Variants in RPS6KA5 observed in about 807,000 individuals in gnomAD.
RPS6KA5 encodes the protein ribosomal protein S6 kinase alpha-5.
A neutral mutation model predicts 85.5 loss-of-function variants in RPS6KA5; 27 were observed. That is an observed-to-expected ratio of 0.32 (90% CI 0.23 to 0.44). The LOEUF (loss-of-function observed/expected upper bound fraction) is 0.44. Among genes scored for constraint, RPS6KA5 ranks in the 20% least tolerant of loss-of-function variants. RPS6KA5 has a pLI of 1.00. For synonymous variants in RPS6KA5, 334 were observed against 348.2 expected (o/e 0.96, Z 0.46); for missense variants, 811 against 980.9 (o/e 0.83, Z 2.31).
intron 3 of RPS6KA5, among the ~76,000 whole-genome samples, chr14:90,965,862 A>C (rs2039036238): frequency 1.3e-5 from 2 of 152,188 alleles, no homozygotes; most frequent in Admixed American, 6.5e-5. Context: ...GTAGGAGAAT[A>C]GGAAAGGCTC....
At chr14:90,916,427 T>C (rs977207444) in intron 7 of RPS6KA5, among the ~76,000 whole-genome samples, 6 of 152,122 alleles carry the variant, frequency 3.9e-5, no homozygotes, top group Non-Finnish European at 5.9e-5. Context: ...AAATAATACA[T>C]TACTTTGAAC....
At position 90,872,031 on chromosome 14, in the gene RPS6KA5, G is replaced by A. The variant is rs756451627; in HGVS notation, c.*43C>T. On this transcript the variant is annotated 3_prime_UTR_variant, in exon 17 of 17. Coordinates refer to ENST00000614987, the MANE Select transcript of RPS6KA5 (RefSeq NM_004755.4). The stretch of plus-strand genomic sequence containing the variant: ...AAAGATCGCCTCAGGCATATGCTGA[G>A]GGAATAAAGGTGCAATGGATCACTG... The A allele has an allele frequency of 2.3e-5, 36 of 1,574,900 alleles. No homozygotes were observed. The highest frequency in any genetic ancestry group is 3.8e-5 in the Admixed American group (2 of 51,974).
rs994371124 is a variant in RPS6KA5, at chr14:90,865,762, T to C, written c.*6312A>G. 6.6e-6 allele frequency: 1 copy of C among 152,166 alleles called. No individual in the cohort carries two copies. Among genetic ancestry groups the C allele is most frequent in the Non-Finnish European group, 1.5e-5 (1 of 68,044 alleles). The allele number at this position is 152,166 out of a possible 1,614,324, so 9.4% of individuals were successfully genotyped here. A position where few individuals can be genotyped will look rare whatever the true frequency, so the allele number is the denominator to read the frequency against. ...GGAGAGAGCTATCACATGGGCTTCC[T>C]AGAGAAAAATAAGCACTTTATGAAG... is the stretch of plus-strand genomic sequence containing the variant. On this transcript the variant is annotated 3_prime_UTR_variant, in exon 17 of 17. Coordinates refer to ENST00000614987, the MANE Select transcript of RPS6KA5 (RefSeq NM_004755.4).
intron 3 of RPS6KA5, among the ~76,000 whole-genome samples, chr14:90,965,852 G>A (rs990022472): frequency 4.6e-5 from 7 of 152,182 alleles, no homozygotes; most frequent in African/African-American, 1.4e-4. Context: ...CCCAAAGGAA[G>A]TAGGAGAATA....
chr14:90,996,008 C>A (rs915912771), intron 2 of RPS6KA5, among the ~76,000 whole-genome samples: 1 of 152,034 alleles, frequency 6.6e-6, no homozygotes, highest in Admixed American at 6.5e-5. Flanking sequence ...ACTGCTTGAG[C>A]CCAGAAGTTC....
chr14:90,857,051 T>TCTAGG lies in RPS6KA5; in HGVS notation c.*15022_*15023insCCTAG, dbSNP rs2032320560. The TCTAGG allele has an allele frequency of 6.6e-6, 1 of 152,278 alleles. No individual in the cohort carries two copies. Among genetic ancestry groups the TCTAGG allele is most frequent in the Non-Finnish European group, 1.5e-5 (1 of 68,098 alleles). The allele number at this position is 152,278 out of a possible 1,614,324, so 9.4% of individuals were successfully genotyped here. On this transcript the variant is annotated 3_prime_UTR_variant, in exon 17 of 17. Transcript: ENST00000614987. ...TCTGTCCTCCCAGTGCAGCCTAGTT[T>TCTAGG]CTATGGAGCTACCATATATGACAGT...
chr14:90,916,863 T>C lies in RPS6KA5; in HGVS notation c.806+3343A>G, dbSNP rs189349980. The stretch of plus-strand genomic sequence containing the variant: ...TCTCTTTCTAAAACCAGAATGCCAA[T>C]TGATTGATATAAAGGGAATAAAAGC... On this transcript the variant is annotated intron_variant, in intron 7 of 16. Transcript: ENST00000614987. Among the ~76,000 whole-genome samples the C allele has an allele frequency of 5.1e-4, 77 of 152,346 alleles. 1 individual carries two copies. The highest frequency in any genetic ancestry group is 5.9e-4 in the Admixed American group (9 of 15,300).
chr14:90,895,438 G>A lies in RPS6KA5; in HGVS notation c.1474-855C>T, dbSNP rs149252731. 3.3e-5 allele frequency among the ~76,000 whole-genome samples: 5 copies of A among 152,260 alleles called. No homozygotes were observed. The East Asian group carries it at 9.6e-4, about 29-fold the overall frequency. ...TCAACAGATTAGTTTCAGGGTTCCT[G>A]TTAATATTCATTACAAATACCCATA... is the stretch of plus-strand genomic sequence containing the variant. On this transcript the variant is annotated intron_variant, in intron 12 of 16. Transcript: ENST00000614987.
At chr14:90,877,777 A>C (rs184033195) in intron 14 of RPS6KA5, among the ~76,000 whole-genome samples, 41 of 152,312 alleles carry the variant, frequency 2.7e-4, no homozygotes, top group African/African-American at 9.4e-4. Context: ...CAGTTTGGGT[A>C]ACTACACCTG....
chr14:90,973,430 C>T (rs1002394614), intron 3 of RPS6KA5, among the ~76,000 whole-genome samples: 2 of 150,620 alleles, frequency 1.3e-5, no homozygotes, highest in East Asian at 2.0e-4. Flanking sequence ...GGCAACAGAG[C>T]GAGACTCCAT....
At chr14:91,040,196 CG>C (rs1400879277) in intron 1 of RPS6KA5, among the ~76,000 whole-genome samples, 1 of 152,146 alleles carries the variant, frequency 6.6e-6, no homozygotes, top group Non-Finnish European at 1.5e-5. Context: ...CACTTGAGGT[CG>C]AGAGTTTGAG....
At chr14:91,012,500 T>C (rs1476156747) in intron 1 of RPS6KA5, among the ~76,000 whole-genome samples, 1 of 152,226 alleles carries the variant, frequency 6.6e-6, no homozygotes. Context: ...GTACTCTAGT[T>C]GTTACATTGG....
chr14:90,977,639 T>A (rs2039624316), intron 3 of RPS6KA5, among the ~76,000 whole-genome samples: 1 of 152,204 alleles, frequency 6.6e-6, no homozygotes, highest in African/African-American at 2.4e-5. Flanking sequence ...CCTAAACCTG[T>A]TCATTCTGAG....
At chr14:90,898,854 A>G (rs1026431080) in intron 12 of RPS6KA5, among the ~76,000 whole-genome samples, 2 of 152,236 alleles carry the variant, frequency 1.3e-5, no homozygotes, top group African/African-American at 2.4e-5. Context: ...GAGCTAGAAG[A>G]TAAAAGGAGT....
intron 5 of RPS6KA5, among the ~76,000 whole-genome samples, chr14:90,937,995 T>C (rs756392286): frequency 6.6e-6 from 1 of 152,130 alleles, no homozygotes; most frequent in Non-Finnish European, 1.5e-5. Context: ...AACTCAAAAG[T>C]CCATATTCCA....
chr14:91,029,763 T>G (rs2042114468), intron 1 of RPS6KA5, among the ~76,000 whole-genome samples: 1 of 152,160 alleles, frequency 6.6e-6, no homozygotes, highest in Non-Finnish European at 1.5e-5. Flanking sequence ...AATAAGATAA[T>G]AAATGTACAC....
chr14:91,023,547 A>G (rs1011433300), intron 1 of RPS6KA5, among the ~76,000 whole-genome samples: 2 of 152,166 alleles, frequency 1.3e-5, no homozygotes, highest in African/African-American at 2.4e-5. Context: ...GGCCTCCCAA[A>G]GTGCTGGGAT....
intron 1 of RPS6KA5, among the ~76,000 whole-genome samples, chr14:91,021,140 C>T (rs2041757961): frequency 6.6e-6 from 1 of 152,110 alleles, no homozygotes; most frequent in South Asian, 2.1e-4. Context: ...ATCAAAATGT[C>T]CTATCTAGAT....
chr14:90,928,392 G>T (rs1288469992), intron 5 of RPS6KA5, among the ~76,000 whole-genome samples: 1 of 151,792 alleles, frequency 6.6e-6, no homozygotes, highest in Non-Finnish European at 1.5e-5. Context: ...CTTATAGAAA[G>T]TAAAATGCAC....
Sources: allele counts gnomAD v4.1 joint callset (sites outside exome capture counted in the v4.1 genomes callset), GRCh38; gene constraint gnomAD v4.1.1; transcripts MANE v1.5; gene names NCBI Gene and HGNC (gene_info 2026-07-23, HGNC 2026-07-21).